Variants in FARP1 observed in about 807,000 individuals in gnomAD.
The protein encoded by FARP1 is FERM, ARH/RhoGEF and pleckstrin domain protein 1.
FARP1 carries 52 observed loss-of-function variants against 128.8 expected under a neutral mutation model. The ratio of observed to expected loss-of-function variants is 0.40; its 90% CI spans 0.32 to 0.51. The LOEUF (loss-of-function observed/expected upper bound fraction) is 0.51. Among genes scored for constraint, FARP1 ranks in the 20% least tolerant of loss-of-function variants. FARP1 has a pLI of 0.45. For synonymous variants in FARP1, 580 were observed against 551.8 expected, an observed-to-expected ratio of 1.05 and a Z score of -0.72; for missense variants, 1,333 against 1,367.9, an observed-to-expected ratio of 0.97 and a Z score of 0.40.
chr13:98,375,230 A>G (rs1285050213), intron 5 of FARP1, among the ~76,000 whole-genome samples: 1 of 152,168 alleles, frequency 6.6e-6, no homozygotes, highest in Admixed American at 6.5e-5. Context: ...AGGTAAAGTC[A>G]TATTTCCTTT....
chr13:98,307,998 C>G (rs12583231), intron 2 of FARP1, among the ~76,000 whole-genome samples: 1 of 55,016 alleles, frequency 1.8e-5, no homozygotes. Context: ...CTGGCCTGGA[C>G]TGCCTGCCCC....
At chr13:98,195,332 T>G (rs1201422200) in intron 1 of FARP1, among the ~76,000 whole-genome samples, 1 of 152,214 alleles carries the variant, frequency 6.6e-6, no homozygotes, top group East Asian at 1.9e-4. Context: ...GTGATTTACA[T>G]GGGAACTGAG....
chr13:98,388,508 G>A (rs755089203), intron 9 of FARP1, 30 bp downstream of exon 9: 25 of 1,530,816 alleles, frequency 1.6e-5, no homozygotes, highest in South Asian at 1.2e-4. Flanking sequence ...AAGGGGACCC[G>A]TTGAGCCATG....
At chr13:98,408,645 A>G (rs527316059) in intron 13 of FARP1, among the ~76,000 whole-genome samples, 1 of 152,256 alleles carries the variant, frequency 6.6e-6, no homozygotes, top group East Asian at 1.9e-4. Flanking sequence ...TCATATTACT[A>G]TGGTATCCTT....
intron 1 of FARP1, among the ~76,000 whole-genome samples, chr13:98,174,982 G>C (rs895624516): frequency 3.3e-5 from 5 of 152,100 alleles, no homozygotes; most frequent in African/African-American, 1.2e-4. Flanking sequence ...TGGGTGGGTC[G>C]ATGGGTGTGG....
chr13:98,296,870 G>T (rs1428855655), intron 2 of FARP1, among the ~76,000 whole-genome samples: 1 of 151,566 alleles, frequency 6.6e-6, no homozygotes, highest in Non-Finnish European at 1.5e-5. Context: ...TTTTTTGTGG[G>T]GACAAAGTGT....
intron 2 of FARP1, among the ~76,000 whole-genome samples, chr13:98,342,671 G>A (rs564298275): frequency 6.6e-6 from 1 of 152,078 alleles, no homozygotes; most frequent in South Asian, 2.1e-4. Context: ...TTGCACTCCA[G>A]CCTGAGTGAC....
intron 2 of FARP1, among the ~76,000 whole-genome samples, chr13:98,267,760 C>T (rs1369044535): frequency 3.3e-5 from 5 of 152,312 alleles, no homozygotes; most frequent in Admixed American, 1.3e-4. Context: ...GACTGCAGGA[C>T]GTGCTGGGTT....
intron 1 of FARP1, among the ~76,000 whole-genome samples, chr13:98,145,300 A>G: frequency 6.6e-6 from 1 of 152,176 alleles, no homozygotes; most frequent in Non-Finnish European, 1.5e-5. Context: ...GTGGTGTTTC[A>G]TTGAGAAGTT....
chr13:98,316,646 T>G (rs904486738), intron 2 of FARP1, among the ~76,000 whole-genome samples: 26 of 152,206 alleles, frequency 1.7e-4, no homozygotes, highest in Non-Finnish European at 3.2e-4. Flanking sequence ...GTAACACAGC[T>G]AAAGTTTTTA....
At chr13:98,237,208 G>A (rs1481378609) in intron 2 of FARP1, among the ~76,000 whole-genome samples, 1 of 151,704 alleles carries the variant, frequency 6.6e-6, no homozygotes, top group African/African-American at 2.4e-5. Context: ...GGAGGCTGAG[G>A]CAGGAGAATC....
chr13:98,154,933 TGG>T (rs1218355319), intron 1 of FARP1, among the ~76,000 whole-genome samples: 6 of 152,210 alleles, frequency 3.9e-5, no homozygotes, highest in Non-Finnish European at 8.8e-5. Context: ...AGCTAGGAGC[TGG>T]GCATGGTGGC....
At chr13:98,263,526 C>T (rs1594335414) in intron 2 of FARP1, among the ~76,000 whole-genome samples, 1 of 152,166 alleles carries the variant, frequency 6.6e-6, no homozygotes. Context: ...AGTTTATGCT[C>T]ACTATTGAAA....
chr13:98,410,007 G>A (rs770614733), intron 14 of FARP1, among the ~76,000 whole-genome samples: 5 of 152,206 alleles, frequency 3.3e-5, no homozygotes, highest in African/African-American at 4.8e-5. Context: ...TTCTGTTAAT[G>A]GACAGTCATG....
At chr13:98,260,204 T>G (rs1883809569) in intron 2 of FARP1, among the ~76,000 whole-genome samples, 1 of 152,174 alleles carries the variant, frequency 6.6e-6, no homozygotes, top group Non-Finnish European at 1.5e-5. Context: ...ACAGTCTGCT[T>G]ATAATTCTAG....
At chr13:98,417,518 C>T (rs1049514800) in intron 16 of FARP1, among the ~76,000 whole-genome samples, 7 of 145,898 alleles carry the variant, frequency 4.8e-5, no homozygotes, top group Non-Finnish European at 7.4e-5. Flanking sequence ...AGAAGATAGC[C>T]GGTCTTGGAG....
At chr13:98,448,145 C>CTTCACCTTGTGTTTCTGTA in intron 26 of FARP1, 91 bp from the exon 27 acceptor site, 1 of 1,133,654 alleles carries the variant, frequency 8.8e-7, no homozygotes, top group Non-Finnish European at 1.3e-6. Context: ...GGCGGCCTGA[C>CTTCACCTTGTGTTTCTGTA]TTCACCTTGT....
At chr13:98,392,117 C>T (rs1594481170) in intron 11 of FARP1, among the ~76,000 whole-genome samples, 1 of 151,844 alleles carries the variant, frequency 6.6e-6, no homozygotes, top group African/African-American at 2.4e-5. Context: ...TTCCCTTCTC[C>T]CCTCCCCAGA....
At chr13:98,408,933 T>C (rs990769462) in intron 13 of FARP1, among the ~76,000 whole-genome samples, 3 of 152,220 alleles carry the variant, frequency 2.0e-5, no homozygotes, top group Non-Finnish European at 4.4e-5. Context: ...GTTGCTTAGA[T>C]GCCTGTTAGT....
Sources: allele counts gnomAD v4.1 joint callset (sites outside exome capture counted in the v4.1 genomes callset), GRCh38; gene constraint gnomAD v4.1.1; transcripts MANE v1.5; gene names NCBI Gene and HGNC (gene_info 2026-07-23, HGNC 2026-07-21).